Variants in GPC5 observed in about 807,000 individuals in gnomAD.
GPC5 encodes the protein glypican 5, also known as glypican-5.
Under a neutral mutation model 53.9 loss-of-function variants are expected in GPC5, and 47 were observed. That is an observed-to-expected ratio of 0.87 (90% confidence interval 0.69 to 1.11). GPC5 has a LOEUF of 1.11. Among genes scored for constraint, GPC5 ranks in the 50% most tolerant of loss-of-function variants. The pLI, the probability that GPC5 is intolerant of heterozygous loss-of-function variation, is 0.00. For synonymous variants in GPC5, 286 were observed against 263.3 expected (o/e 1.09, Z -0.84); for missense variants, 748 against 713.1 (o/e 1.05, Z -0.56).
intron 7 of GPC5, among the ~76,000 whole-genome samples, chr13:92,592,368 G>A (rs1245458339): frequency 6.6e-6 from 1 of 151,518 alleles, no homozygotes; most frequent in African/African-American, 2.4e-5. Flanking sequence ...GAAAGAAAGT[G>A]TTTCAAGAAG....
chr13:92,324,334 A>G (rs1489609131), intron 7 of GPC5, among the ~76,000 whole-genome samples: 1 of 151,952 alleles, frequency 6.6e-6, no homozygotes, highest in East Asian at 1.9e-4. Flanking sequence ...GATATTTTCA[A>G]TGTTAACCCC....
chr13:92,027,405 A>G (rs1183496524), intron 6 of GPC5, among the ~76,000 whole-genome samples: 2 of 152,190 alleles, frequency 1.3e-5, no homozygotes, highest in African/African-American at 2.4e-5. Flanking sequence ...TAATGAAATG[A>G]CAATATTGAA....
chr13:92,417,642 G>A (rs1428140381), intron 7 of GPC5, among the ~76,000 whole-genome samples: 1 of 152,118 alleles, frequency 6.6e-6, no homozygotes, highest in Non-Finnish European at 1.5e-5. Context: ...GGAGGAACAG[G>A]CAGGTGGATC....
At chr13:91,467,654 T>A (rs1203842281) in intron 2 of GPC5, among the ~76,000 whole-genome samples, 3 of 152,188 alleles carry the variant, frequency 2.0e-5, no homozygotes, top group Non-Finnish European at 4.4e-5. Context: ...TTTAGTAACA[T>A]CTGTTTAAAT....
At chr13:91,771,859 A>G (rs2037631503) in intron 5 of GPC5, among the ~76,000 whole-genome samples, 2 of 152,250 alleles carry the variant, frequency 1.3e-5, no homozygotes, top group East Asian at 3.8e-4. Context: ...TTCAAATAAA[A>G]TACAAGCACA....
intron 7 of GPC5, among the ~76,000 whole-genome samples, chr13:92,768,263 C>A (rs778235111): frequency 1.3e-5 from 2 of 152,104 alleles, no homozygotes; most frequent in Non-Finnish European, 2.9e-5. Flanking sequence ...TTATTGATAT[C>A]TTGTAGATTT....
At chr13:91,810,023 T>G (rs2038285233) in intron 5 of GPC5, among the ~76,000 whole-genome samples, 1 of 152,062 alleles carries the variant, frequency 6.6e-6, no homozygotes, top group South Asian at 2.1e-4. Flanking sequence ...AAGTGTGGTA[T>G]AAAATTGTCT....
intron 7 of GPC5, among the ~76,000 whole-genome samples, chr13:92,421,943 A>C (rs1193268784): frequency 6.6e-6 from 1 of 152,008 alleles, no homozygotes; most frequent in African/African-American, 2.4e-5. Context: ...TACATACCTC[A>C]GCATTCTCTC....
intron 7 of GPC5, among the ~76,000 whole-genome samples, chr13:92,325,622 T>G (rs970009368): frequency 1.3e-5 from 2 of 152,086 alleles, no homozygotes; most frequent in South Asian, 2.1e-4. Context: ...AACAGATGAT[T>G]GGTTGAACAA....
intron 5 of GPC5, among the ~76,000 whole-genome samples, chr13:91,867,247 C>T (rs1386172667): frequency 6.6e-6 from 1 of 152,084 alleles, no homozygotes. Flanking sequence ...CATTGAGTCT[C>T]TACTGCTGAG....
intron 7 of GPC5, among the ~76,000 whole-genome samples, chr13:92,669,790 G>A (rs540059532): frequency 1.3e-5 from 2 of 152,194 alleles, no homozygotes; most frequent in Admixed American, 1.3e-4. Context: ...TCCTAACTCA[G>A]AATTGCACAC....
chr13:91,852,094 T>G (rs1279874499), intron 5 of GPC5, among the ~76,000 whole-genome samples: 1 of 152,020 alleles, frequency 6.6e-6, no homozygotes, highest in Non-Finnish European at 1.5e-5. Context: ...CCACAATGGT[T>G]GAACTAGTTT....
intron 7 of GPC5, among the ~76,000 whole-genome samples, chr13:92,254,175 T>C (rs1402145224): frequency 1.3e-5 from 2 of 152,132 alleles, no homozygotes; most frequent in South Asian, 2.1e-4. Flanking sequence ...CAGTATCTAG[T>C]AGTTGGGTTT....
At chr13:92,281,299 T>TCAAGGAGG (rs1482375139) in intron 7 of GPC5, among the ~76,000 whole-genome samples, 3 of 152,160 alleles carry the variant, frequency 2.0e-5, no homozygotes, top group African/African-American at 7.2e-5. Flanking sequence ...CTTGCCTGCC[T>TCAAGGAGG]CTGTAGACTC....
intron 2 of GPC5, among the ~76,000 whole-genome samples, chr13:91,619,517 G>A (rs367591069): frequency 2.0e-5 from 3 of 152,152 alleles, no homozygotes; most frequent in East Asian, 3.9e-4. Flanking sequence ...TTAGTATTGC[G>A]GGGTAGGATT....
At chr13:92,438,917 G>A (rs1410499422) in intron 7 of GPC5, among the ~76,000 whole-genome samples, 1 of 152,028 alleles carries the variant, frequency 6.6e-6, no homozygotes, top group Admixed American at 6.6e-5. Context: ...AAAAATGAGT[G>A]GCTCCATTTC....
intron 2 of GPC5, among the ~76,000 whole-genome samples, chr13:91,574,453 T>C (rs2032058546): frequency 1.3e-5 from 2 of 152,220 alleles, no homozygotes; most frequent in Non-Finnish European, 2.9e-5. Context: ...GACACAGTTT[T>C]CTGGAGTTTG....
At chr13:91,583,980 A>G (rs188931951) in intron 2 of GPC5, among the ~76,000 whole-genome samples, 129 of 152,310 alleles carry the variant, frequency 8.5e-4, no homozygotes, top group Non-Finnish European at 1.5e-3. Context: ...ATTTGGAGAT[A>G]GGGCCTGTAA....
At chr13:91,495,551 G>T (rs1884204812) in intron 2 of GPC5, among the ~76,000 whole-genome samples, 1 of 152,136 alleles carries the variant, frequency 6.6e-6, no homozygotes, top group Admixed American at 6.5e-5. Context: ...CTTTCCTCAA[G>T]CACTAATGCA....
Sources: allele counts gnomAD v4.1 joint callset (sites outside exome capture counted in the v4.1 genomes callset), GRCh38; gene constraint gnomAD v4.1.1; transcripts MANE v1.5; gene names NCBI Gene and HGNC (gene_info 2026-07-23, HGNC 2026-07-21).